MARF1: variants seen among roughly 807,000 people sequenced by gnomAD.
MARF1 encodes the protein limkain-b1.
A neutral mutation model predicts 168.2 loss-of-function variants in MARF1; 24 were observed. The ratio of observed to expected loss-of-function variants is 0.14; its 90% CI spans 0.10 to 0.20. The LOEUF (loss-of-function observed/expected upper bound fraction) is 0.20. MARF1 is among the 10% of genes least tolerant of loss of function. The pLI, the probability that MARF1 is intolerant of heterozygous loss-of-function variation, is 1.00. For synonymous variants in MARF1, 868 were observed against 822.4 expected (o/e 1.06, Z -0.95); for missense variants, 1,744 against 2,143.6 (o/e 0.81, Z 3.68).
chr16:15,624,627 GGA>G, intron 10 of MARF1, 140 bp downstream of exon 10: 1 of 744,646 alleles, frequency 1.3e-6, no homozygotes, highest in South Asian at 1.7e-5. Flanking sequence ...GATTACCTGA[GGA>G]GAGGGGGACT....
chr16:15,605,426 G>C (rs144118765), intron 21 of MARF1, among the ~76,000 whole-genome samples: 38 of 152,252 alleles, frequency 2.5e-4, no homozygotes, highest in African/African-American at 8.7e-4. Flanking sequence ...CAAGGCAGGA[G>C]GGAGGCTGGC....
chr16:15,600,065 C>T (rs747147610), intron 25 of MARF1, among the ~76,000 whole-genome samples: 4 of 152,214 alleles, frequency 2.6e-5, no homozygotes, highest in Non-Finnish European at 4.4e-5. Flanking sequence ...AGCCCTCACT[C>T]TGCTCCTAGG....
rs1883194553 is a variant in MARF1 at position 15,625,904 on chromosome 16, G to A, written c.1525-104C>T. On this transcript the variant is annotated intron_variant, in intron 7 of 26. Coordinates refer to ENST00000396368, the MANE Select transcript of MARF1 (RefSeq NM_014647.4). ...CCTCCAAACTTCAGTTAACAACTTTGAAGAGAAGATGACAGTGATTTAGAT... is the reference window on the plus strand; with the variant it reads ...CCTCCAAACTTCAGTTAACAACTTTAAAGAGAAGATGACAGTGATTTAGAT... 1.2e-5 allele frequency: 10 copies of A among 830,616 alleles called. No individual in the cohort carries two copies. The South Asian group carries it at 1.6e-4, about 13-fold the overall frequency. The allele number at this position is 830,616 out of a possible 1,614,324, so 51.5% of individuals were successfully genotyped here.
In MARF1 at chr16:15,594,871, TTGTC is replaced by T. The variant is rs1451768752; in HGVS notation, c.*1818_*1821del. On this transcript the variant is annotated 3_prime_UTR_variant, in exon 27 of 27. Transcript: ENST00000396368. ...GGACAGCACAGAACTTGATTCTTCT[TTGTC>T]TGTTGCCCAAAGAACCTGTTCTTTG... is the stretch of plus-strand genomic sequence containing the variant. The T allele has an allele frequency of 2.6e-5, 4 of 152,704 alleles. No homozygotes were observed. Among genetic ancestry groups the T allele is most frequent in the Non-Finnish European group, 4.4e-5 (3 of 68,014 alleles). 9.5% of individuals were successfully genotyped at this position (152,704 alleles called of 1,614,324 possible). A position where few individuals can be genotyped will look rare whatever the true frequency, so the allele number is the denominator to read the frequency against.
Position 15,596,484 on chromosome 16 carries a change from AAAAAGAAAGAAAAAGGAAGAAG to A in MARF1, c.*187_*208del, listed in dbSNP as rs2031694848. ...TGCCACAAGTTCTTCAAATAATTGAAAAAAGAAAGAAAAAGGAAGAAGAAAAGAAAGACTTCAGCTCAAAGCT... is the reference window on the plus strand; with the variant it reads ...TGCCACAAGTTCTTCAAATAATTGAAAAAAGAAAGACTTCAGCTCAAAGCT... On this transcript the variant is annotated 3_prime_UTR_variant, in exon 27 of 27. Coordinates refer to ENST00000396368, the MANE Select transcript of MARF1 (RefSeq NM_014647.4). The A allele has an allele frequency of 1.9e-5, 8 of 419,554 alleles. No individual in the cohort carries two copies. The East Asian group carries it at 2.9e-4, about 15-fold the overall frequency. The allele number at this position is 419,554 out of a possible 1,614,324, so 26.0% of individuals were successfully genotyped here. A position where few individuals can be genotyped will look rare whatever the true frequency, so the allele number is the denominator to read the frequency against.
rs763379660 is a variant in MARF1 at position 15,636,124 on chromosome 16, G to GCCA, written c.360_362dup (p.Gly122dup). 16 of 1,614,014 alleles carry GCCA rather than the reference G, an allele frequency of 9.9e-6. No homozygotes were observed. In the Admixed American group the frequency reaches 1.5e-4, roughly 15 times the overall value. On this transcript the variant is annotated inframe_insertion, in exon 3 of 27. Transcript: ENST00000396368. ...TCAAGCTACTGGTACCTCCGCTACC[G>GCCA]CCACCACCACCACCAAAACGCATTG...
intron 25 of MARF1, among the ~76,000 whole-genome samples, chr16:15,599,732 CTATG>C (rs1464731142): frequency 6.6e-6 from 1 of 152,184 alleles, no homozygotes; most frequent in Non-Finnish European, 1.5e-5. Flanking sequence ...TATCTGAAAT[CTATG>C]TGACTCAGTG....
chr16:15,626,571 A>T (rs980251588), intron 7 of MARF1, among the ~76,000 whole-genome samples: 2 of 152,236 alleles, frequency 1.3e-5, no homozygotes, highest in Admixed American at 1.3e-4. Context: ...GAGCCTGTTC[A>T]GCTTCAACAG....
chr16:15,626,335 AATT>A (rs1453498027), intron 7 of MARF1, among the ~76,000 whole-genome samples: 1 of 152,170 alleles, frequency 6.6e-6, no homozygotes, highest in Admixed American at 6.5e-5. Context: ...ATTTACTAAA[AATT>A]ATTGTACACT....
At chr16:15,622,390 C>CT (rs995577394) in intron 11 of MARF1, among the ~76,000 whole-genome samples, 173 of 144,896 alleles carry the variant, frequency 1.2e-3, no homozygotes, top group South Asian at 1.7e-3. Flanking sequence ...ATCAAATTGC[C>CT]TTTTTTTTTT....
chr16:15,639,155 A>T lies in MARF1; in HGVS notation c.79T>A (p.Trp27Arg). ...WLQQDNDAKP[W>R]LWKFSNCFSR... is the part of the protein sequence containing the mutation. ...AAGCAATTAGAGAATTTCCAAAGCC[A>T]TGGCTTAGCATCATTATCTTGTTGA... The change falls in exon 2 of 27, where the codon TGG (tryptophan) becomes AGG (arginine). Residue 27 changes from tryptophan to arginine, a missense_variant. Around this residue, in one of 7 missense-constraint regions of MARF1, gnomAD observed 318 missense variants for 336.6 expected, o/e 0.94. Transcript: ENST00000396368. The T allele has an allele frequency of 6.2e-7, 1 of 1,614,226 alleles. No individual in the cohort carries two copies. Among genetic ancestry groups the T allele is most frequent in the Non-Finnish European group, 8.5e-7 (1 of 1,180,032 alleles).
intron 8 of MARF1, 98 bp from the exon 9 acceptor site, chr16:15,625,271 T>G: frequency 6.5e-7 from 1 of 1,550,224 alleles, no homozygotes; most frequent in Non-Finnish European, 8.7e-7. Flanking sequence ...CATCAAACAC[T>G]GAAATCAAAA....
intron 11 of MARF1, among the ~76,000 whole-genome samples, chr16:15,622,171 G>T (rs2034511241): frequency 6.6e-6 from 1 of 152,166 alleles, no homozygotes; most frequent in South Asian, 2.1e-4. Flanking sequence ...CAACACATGG[G>T]AAGAGTGTTT....
chr16:15,623,274 CTTTTTTTTTTT>C (rs71375044), intron 10 of MARF1, 151 bp from the exon 11 acceptor site: 1 of 118,552 alleles, frequency 8.4e-6, no homozygotes, highest in Non-Finnish European at 1.4e-5. Context: ...TGTTTTTAAT[CTTTTTTTTTTT>C]TTTTTTTTTT....
rs2034571780 is a variant in MARF1 at position 15,622,984 on chromosome 16, G to A, written c.2410C>T (p.Arg804Trp). 2 of 1,598,520 alleles carry A rather than the reference G, an allele frequency of 1.3e-6. No individual in the cohort carries two copies. The highest frequency in any genetic ancestry group is 1.7e-6 in the Non-Finnish European group (2 of 1,167,506). Reference protein sequence around the residue: ...QVSNIDYRLSRKELQQLLQEA... With the variant: ...QVSNIDYRLSWKELQQLLQEA... ...TGCAGGAGCTGCTGCAGCTCCTTCC[G>A]GGATAATCTGTAGTCTATGTTGCTG... The change falls in exon 11 of 27, where the codon CGG becomes TGG. Residue 804 changes from arginine (R) to tryptophan (W), a missense_variant. Arg to Trp is a moderately radical substitution (Grantham distance 101). Transcript: ENST00000396368.
Position 15,636,153 on chromosome 16 carries a change from A to C in MARF1, c.334T>G (p.Ser112Ala). The C allele has an allele frequency of 6.2e-7, 1 of 1,614,212 alleles. No individual in the cohort carries two copies. The highest frequency in any genetic ancestry group is 8.5e-7 in the Non-Finnish European group (1 of 1,180,026). ...CCACCACCACCAAAACGCATTGGCG[A>C]AGTGGAGGGTTCATTAGGGCAATGA... ...CAHCPNEPSTSPMRFGGGGGG... is the reference protein window; with the variant it reads ...CAHCPNEPSTAPMRFGGGGGG... The change falls in exon 3 of 27, where the codon TCG becomes GCG. Residue 112 changes from serine (S) to alanine (A), a missense_variant. This residue lies in a region of MARF1 where 318 missense variants were observed against 336.6 expected (regional missense o/e 0.94). Transcript: ENST00000396368.
At chr16:15,635,533 G>A in intron 3 of MARF1, 123 bp downstream of exon 3, 1 of 851,030 alleles carries the variant, frequency 1.2e-6, no homozygotes, top group East Asian at 2.7e-5. Context: ...CTGATGGGGA[G>A]ATTCCCCTAT....
chr16:15,613,929 G>A (rs1428538518), intron 16 of MARF1, among the ~76,000 whole-genome samples: 1 of 152,204 alleles, frequency 6.6e-6, no homozygotes. Context: ...AAGTGTTGGG[G>A]ACAAAGAGGA....
chr16:15,625,084 G>A lies in MARF1; in HGVS notation c.2043C>T (p.Asn681=), dbSNP rs1226196574. The change falls in exon 9 of 27, where the codon AAC becomes AAT. Residue 681 remains asparagine, a synonymous_variant. Transcript: ENST00000396368. The part of the protein sequence containing the change: ...HLRLVVPTHG[N]SSAAVSTPKN... ...TCGGCGTCGACACTGCAGCACTTGA[G>A]TTACCGTGAGTGGGTACGACCAGCC... 6.2e-7 allele frequency: 1 copy of A among 1,614,204 alleles called. No homozygotes were observed. Among genetic ancestry groups the A allele is most frequent in the East Asian group, 2.2e-5 (1 of 44,890 alleles).
Sources: allele counts gnomAD v4.1 joint callset (sites outside exome capture counted in the v4.1 genomes callset), GRCh38; gene constraint gnomAD v4.1.1; regional missense constraint gnomAD v4.1.1; transcripts MANE v1.5; gene names NCBI Gene and HGNC (gene_info 2026-07-23, HGNC 2026-07-21).